The following TCF19 variants were observed in gnomAD, a reference collection of about 807,000 sequenced individuals.
TCF19 encodes transcription factor SC1.
TCF19 carries 9 observed loss-of-function variants against 18.3 expected under a neutral mutation model. The ratio of observed to expected loss-of-function variants is 0.49; its 90% CI spans 0.30 to 0.86. TCF19 has a LOEUF of 0.86. Ranked by LOEUF, TCF19 falls within the 40% of genes least tolerant of loss-of-function variation. TCF19 has a pLI of 0.07. For synonymous variants in TCF19, 176 were observed against 185.3 expected (o/e 0.95, Z 0.41); for missense variants, 376 against 464.3 (o/e 0.81, Z 1.75).
chr6:31,161,173 GA>G (rs1424776885), intron 2 of TCF19, among the ~76,000 whole-genome samples: 1 of 142,488 alleles, frequency 7.0e-6, no homozygotes, highest in Admixed American at 7.1e-5. Context: ...AAAAAAGAAA[GA>G]AAGAAAAAAA....
rs557929115 is a variant in TCF19 at position 31,163,500 on chromosome 6, T to C, written c.*783T>C. The C allele has an allele frequency of 4.2e-5, 41 of 985,468 alleles. No homozygotes were observed. In the African/African-American group the frequency reaches 5.4e-4, roughly 13 times the overall value. The allele number at this position is 985,468 out of a possible 1,614,324, so 61.0% of individuals were successfully genotyped here. A position where few individuals can be genotyped will look rare whatever the true frequency, so the allele number is the denominator to read the frequency against. ...TGGGATTTGGTTAAGTTCACAAAGA[T>C]AGCAGAAGATTTATTTACAGGCTTC... On this transcript the variant is annotated 3_prime_UTR_variant, in exon 4 of 4. Coordinates refer to ENST00000376257, the MANE Select transcript of TCF19 (RefSeq NM_007109.3).
chr6:31,159,672 ACTGGAGGGTCAGC>A lies in TCF19; in HGVS notation c.209_221del (p.Arg70LysfsTer23). The A allele has an allele frequency of 6.2e-7, 1 of 1,614,082 alleles. No homozygotes were observed. Among genetic ancestry groups the A allele is most frequent in the Non-Finnish European group, 8.5e-7 (1 of 1,180,036 alleles). On this transcript the variant is annotated frameshift_variant, in exon 2 of 4. Transcript: ENST00000376257. LOFTEE classifies it high-confidence loss of function. ...CTGCATGCCGAGCCCCGGGGTGATG[ACTGGAGGGTCAGC>A]CTGGAAGACCACAGCAGCCAAGGTG...
rs187552786 is a variant in TCF19 at position 31,163,948 on chromosome 6, G to A, written c.*1231G>A. 9.1e-6 allele frequency: 9 copies of A among 986,230 alleles called. 1 individual carries two copies. Among genetic ancestry groups the A allele is most frequent in the Middle Eastern group, 1.0e-3 (2 of 1,916 alleles). 61.1% of individuals were successfully genotyped at this position (986,230 alleles called of 1,614,324 possible). A position where few individuals can be genotyped will look rare whatever the true frequency, so the allele number is the denominator to read the frequency against. On this transcript the variant is annotated 3_prime_UTR_variant, in exon 4 of 4. Coordinates refer to ENST00000376257, the MANE Select transcript of TCF19 (RefSeq NM_007109.3). ...GGCAGAGTATGCAAAAACCTTAAGT[G>A]GAAACCAAATAGACCCTGGTATCAA...
rs1582016002 is a variant in TCF19, at chr6:31,162,130, C to T, written c.797+125C>T. 8.9e-7 allele frequency: 1 copy of T among 1,117,624 alleles called. No individual in the cohort carries two copies. The highest frequency in any genetic ancestry group is 1.6e-5 in the African/African-American group (1 of 63,698). The allele number at this position is 1,117,624 out of a possible 1,614,324, so 69.2% of individuals were successfully genotyped here. ...ACGGGAGGTGGAATAGATGGAATGG[C>T]AAGACCTGGGTTAGCTCTGATAGGA... is the stretch of plus-strand genomic sequence containing the variant. On this transcript the variant is annotated intron_variant, in intron 3 of 3. Transcript: ENST00000376257. The surrounding 1 kb of genome is among the most constrained non-coding windows in gnomAD (Gnocchi z 4.5).
rs748376093 is a variant in TCF19, at chr6:31,161,965, AAGAAACTCCGTGT to A, written c.761_773del (p.Lys254ThrfsTer5). 1 of 1,612,676 alleles carries A rather than the reference AAGAAACTCCGTGT, an allele frequency of 6.2e-7. No individual in the cohort carries two copies. The highest frequency in any genetic ancestry group is 8.5e-7 in the Non-Finnish European group (1 of 1,179,786). Reference sequence around the variant, plus strand: ...GCCACCGGTCCTTATGGAGCCCAGGAAGAAACTCCGTGTAGACAAAGCCCCACTGACTCCCACT... The same window carrying A: ...GCCACCGGTCCTTATGGAGCCCAGGAAGACAAAGCCCCACTGACTCCCACT... On this transcript the variant is annotated frameshift_variant, in exon 3 of 4. Coordinates refer to ENST00000376257, the MANE Select transcript of TCF19 (RefSeq NM_007109.3). LOFTEE classifies it low-confidence loss of function (END_TRUNC).
Position 31,164,211 on chromosome 6 carries a change from T to C in TCF19, c.*1494T>C. On this transcript the variant is annotated 3_prime_UTR_variant, in exon 4 of 4. Transcript: ENST00000376257. ...CCTGTACAAATAAACTTGGCTGCAA[T>C]CCCAGCTCTCCCTCTGATGTTGTGT... 1 of 1,208,184 alleles carries C rather than the reference T, an allele frequency of 8.3e-7. No individual in the cohort carries two copies. The highest frequency in any genetic ancestry group is 1.0e-6 in the Non-Finnish European group (1 of 959,680). 74.8% of individuals were successfully genotyped at this position (1,208,184 alleles called of 1,614,324 possible).
Position 31,161,691 on chromosome 6 carries a change from G to A in TCF19, c.483G>A (p.Arg161=). The A allele has an allele frequency of 5.2e-6, 8 of 1,533,298 alleles. No homozygotes were observed. Among genetic ancestry groups the A allele is most frequent in the Non-Finnish European group, 7.0e-6 (8 of 1,140,116 alleles). 95.0% of individuals were successfully genotyped at this position (1,533,298 alleles called of 1,614,324 possible). Residue 161 remains arginine, a synonymous_variant, in exon 3 of 4, where the codon CGG becomes CGA. Transcript: ENST00000376257. ...PMLPSQGAPQ[R]PLSTFSPAPK... is the part of the protein sequence containing the mutation. ...TGCCCTCCCAGGGGGCTCCACAGCG[G>A]CCTCTCAGCACCTTCTCCCCTGCCC... is the stretch of plus-strand genomic sequence containing the variant.
At position 31,161,576 on chromosome 6, in the gene TCF19, AAGT is replaced by A; in HGVS notation, c.370_372del (p.Val124del). The stretch of plus-strand genomic sequence containing the variant: ...TCGGAGTTCTACTTCATGTTCCAAC[AAGT>A]ACGAGTCAAGCCTCAGGACTTTGCT... On this transcript the variant is annotated inframe_deletion, in exon 3 of 4. Coordinates refer to ENST00000376257, the MANE Select transcript of TCF19 (RefSeq NM_007109.3). The A allele has an allele frequency of 6.3e-7, 1 of 1,596,080 alleles. No homozygotes were observed. Among genetic ancestry groups the A allele is most frequent in the Non-Finnish European group, 8.5e-7 (1 of 1,172,768 alleles).
At position 31,159,456 on chromosome 6, in the gene TCF19, AG is replaced by A. The variant is rs1236379000; in HGVS notation, c.-9del. On this transcript the variant is annotated 5_prime_UTR_variant, in exon 2 of 4. Coordinates refer to ENST00000376257, the MANE Select transcript of TCF19 (RefSeq NM_007109.3). The stretch of plus-strand genomic sequence containing the variant: ...GCCTGAAGTGGAAGAGGTGGTGCAG[AG>A]GGGGCACCGCCCATGCTGCCCTGCT... 6 of 1,545,446 alleles carry A rather than the reference AG, an allele frequency of 3.9e-6. No individual in the cohort carries two copies. The South Asian group carries it at 4.7e-5, about 12-fold the overall frequency.
chr6:31,161,718 C>A lies in TCF19; in HGVS notation c.510C>A (p.Pro170=). The part of the protein sequence containing the change: ...QRPLSTFSPA[P]KATLILNSIG... ...CTCTCAGCACCTTCTCCCCTGCCCC[C>A]AAGGCCACACTGATCCTAAACTCCA... Residue 170 remains proline, a synonymous_variant, in exon 3 of 4, where the codon CCC becomes CCA. Coordinates refer to ENST00000376257, the MANE Select transcript of TCF19 (RefSeq NM_007109.3). 1 of 1,554,980 alleles carries A rather than the reference C, an allele frequency of 6.4e-7. No homozygotes were observed. The highest frequency in any genetic ancestry group is 1.2e-5 in the South Asian group (1 of 80,816).
intron 2 of TCF19, among the ~76,000 whole-genome samples, chr6:31,161,075 G>C (rs972678852): frequency 7.0e-6 from 1 of 143,398 alleles, no homozygotes; most frequent in Non-Finnish European, 1.5e-5. Context: ...AGAATTGCTT[G>C]AACCTGGGAG....
At chr6:31,161,088 G>A (rs1187730587) in intron 2 of TCF19, among the ~76,000 whole-genome samples, 2 of 137,866 alleles carry the variant, frequency 1.5e-5, no homozygotes, top group Admixed American at 7.7e-5. Context: ...CCTGGGAGGC[G>A]GAGTGCAGTG....
In TCF19 at chr6:31,163,528, C is replaced by T. The variant is rs1429457571; in HGVS notation, c.*811C>T. 1 of 985,286 alleles carries T rather than the reference C, an allele frequency of 1.0e-6. No individual in the cohort carries two copies. The allele number at this position is 985,286 out of a possible 1,614,324, so 61.0% of individuals were successfully genotyped here. ...CAGAAGATTTATTTACAGGCTTCAC[C>T]TGTACTGTCAGGGCAAGAGAAAGCC... is the stretch of plus-strand genomic sequence containing the variant. On this transcript the variant is annotated 3_prime_UTR_variant, in exon 4 of 4. Coordinates refer to ENST00000376257, the MANE Select transcript of TCF19 (RefSeq NM_007109.3).
Position 31,161,821 on chromosome 6 carries a change from C to T in TCF19, c.613C>T (p.Pro205Ser). The T allele has an allele frequency of 6.2e-7, 1 of 1,612,566 alleles. No homozygotes were observed. The highest frequency in any genetic ancestry group is 8.5e-7 in the Non-Finnish European group (1 of 1,179,760). Residue 205 changes from proline (P) to serine (S), a missense_variant, in exon 3 of 4, where the codon CCC becomes TCC. Transcript: ENST00000376257. ...SWGGPKSLPV[P>S]APPGEMGTTP... ...GGGTGGACCAAAGAGCCTGCCTGTT[C>T]CCGCCCCACCTGGGGAAATGGGGAC...
Position 31,159,201 on chromosome 6 carries a change from G to A in TCF19, c.-269G>A, listed in dbSNP as rs1008902844. 1 of 473,952 alleles carries A rather than the reference G, an allele frequency of 2.1e-6. No individual in the cohort carries two copies. The highest frequency in any genetic ancestry group is 3.7e-6 in the Non-Finnish European group (1 of 266,820). The allele number at this position is 473,952 out of a possible 1,614,324, so 29.4% of individuals were successfully genotyped here. A position where few individuals can be genotyped will look rare whatever the true frequency, so the allele number is the denominator to read the frequency against. On this transcript the variant is annotated 5_prime_UTR_variant, in exon 2 of 4. Transcript: ENST00000376257. ...GATCCAGCTCAAGTGAGGTGCCATA[G>A]GACGTGTTCCTGAGTTTGCATTGCA... is the stretch of plus-strand genomic sequence containing the variant.
chr6:31,159,863 GCA>G (rs1195932165), intron 2 of TCF19, among the ~76,000 whole-genome samples, 156 bp downstream of exon 2: 12 of 152,230 alleles, frequency 7.9e-5, no homozygotes, highest in African/African-American at 9.6e-5. Context: ...CCAGAAGTGT[GCA>G]CAGTCAGAAG....
At position 31,162,798 on chromosome 6, in the gene TCF19, C is replaced by G. The variant is rs9501503; in HGVS notation, c.*81C>G. 2,135 of 1,528,750 alleles carry G rather than the reference C, an allele frequency of 1.4e-3. 24 individuals are homozygous for G. The African/African-American group carries it at 0.026, about 18-fold the overall frequency. 94.7% of individuals were successfully genotyped at this position (1,528,750 alleles called of 1,614,324 possible). A position where few individuals can be genotyped will look rare whatever the true frequency, so the allele number is the denominator to read the frequency against. On this transcript the variant is annotated 3_prime_UTR_variant, in exon 4 of 4. Coordinates refer to ENST00000376257, the MANE Select transcript of TCF19 (RefSeq NM_007109.3). The surrounding 1 kb of genome is among the most constrained non-coding windows in gnomAD (Gnocchi z 4.5). ...AGCAAATAGGTCTGATAAATACCCC[C>G]CTTCCCTTCCCTCCCCAGGAGGGAA...
Position 31,162,461 on chromosome 6 carries a change from G to A in TCF19, c.798-16G>A, listed in dbSNP as rs778765804. The A allele has an allele frequency of 1.9e-6, 3 of 1,596,008 alleles. No individual in the cohort carries two copies. Among genetic ancestry groups the A allele is most frequent in the Non-Finnish European group, 1.7e-6 (2 of 1,171,706 alleles). On this transcript the variant is annotated splice_polypyrimidine_tract_variant and intron_variant, in intron 3 of 3. Coordinates refer to ENST00000376257, the MANE Select transcript of TCF19 (RefSeq NM_007109.3). This position sits in a 1 kb window ranked among gnomAD's most constrained non-coding sequence, Gnocchi z 4.5. ...CAGGTTTCCGGTGACCCTTGTGTCT[G>A]TGTCACTTCCTTCAGAAATCGACGT...
At chr6:31,160,045 A>G (rs886530617) in intron 2 of TCF19, among the ~76,000 whole-genome samples, 9 of 152,182 alleles carry the variant, frequency 5.9e-5, no homozygotes, top group African/African-American at 2.2e-4. Flanking sequence ...GGGCAGTTCT[A>G]TGTTGAATAA....
Sources: allele counts gnomAD v4.1 joint callset (sites outside exome capture counted in the v4.1 genomes callset), GRCh38; gene constraint gnomAD v4.1.1; non-coding constraint Gnocchi (gnomAD v3.1); transcripts MANE v1.5; gene names NCBI Gene and HGNC (gene_info 2026-07-23, HGNC 2026-07-21).